The following FRMD4A variants were observed in gnomAD, a reference collection of about 807,000 sequenced individuals.
FRMD4A encodes the protein FERM domain-containing protein 4A.
In FRMD4A, 29 loss-of-function variants were observed where a neutral mutation model predicts 129.1. That is an observed-to-expected ratio of 0.22 (90% CI 0.17 to 0.31). FRMD4A has a LOEUF of 0.31. Ranked by LOEUF, FRMD4A falls within the 10% of genes least tolerant of loss-of-function variation. The pLI is 1.00. For missense variants in FRMD4A, 1,272 were observed against 1,375.8 expected (o/e 0.92, Z 1.19); for synonymous variants, 634 against 571.6 (o/e 1.11, Z -1.56).
chr10:13,971,144 ACATG>A (rs2095515631), intron 2 of FRMD4A, among the ~76,000 whole-genome samples: 3 of 152,168 alleles, frequency 2.0e-5, no homozygotes, highest in Middle Eastern at 3.4e-3. Flanking sequence ...GCGCTCACAC[ACATG>A]CATGCATACT....
chr10:14,107,352 A>G (rs1182219269), intron 2 of FRMD4A, among the ~76,000 whole-genome samples: 1 of 152,242 alleles, frequency 6.6e-6, no homozygotes, highest in Non-Finnish European at 1.5e-5. Context: ...AATCTAAAAT[A>G]AAAGTTGAAA....
At chr10:14,091,731 C>A (rs560284844) in intron 2 of FRMD4A, among the ~76,000 whole-genome samples, 1 of 152,322 alleles carries the variant, frequency 6.6e-6, no homozygotes, top group Non-Finnish European at 1.5e-5. Context: ...CCGTGCCTGG[C>A]CCATTCTTAG....
intron 2 of FRMD4A, among the ~76,000 whole-genome samples, chr10:14,039,407 C>CATCCATCCATCT (rs1285305420): frequency 7.4e-5 from 11 of 147,812 alleles, no homozygotes; most frequent in South Asian, 2.1e-4. Flanking sequence ...TCCATCCATC[C>CATCCATCCATCT]ATCTATCTAT....
intron 2 of FRMD4A, among the ~76,000 whole-genome samples, chr10:14,239,652 C>CAAA (rs529527490): frequency 0.064 from 9,556 of 149,912 alleles, 384 homozygotes; most frequent in Non-Finnish European, 0.089. Flanking sequence ...AACAAACAAA[C>CAAA]AAAAAAAAAC....
At chr10:14,050,692 T>C (rs892804890) in intron 2 of FRMD4A, among the ~76,000 whole-genome samples, 1 of 152,066 alleles carries the variant, frequency 6.6e-6, no homozygotes, top group African/African-American at 2.4e-5. Context: ...GGCCAATGAT[T>C]TAACCAACCA....
At chr10:13,747,491 T>C (rs1472229901) in intron 9 of FRMD4A, among the ~76,000 whole-genome samples, 2 of 147,998 alleles carry the variant, frequency 1.4e-5, no homozygotes, top group Non-Finnish European at 3.0e-5. Flanking sequence ...ATCATGCCAC[T>C]GCACTCCAGC....
chr10:13,997,302 G>A (rs143936814), intron 2 of FRMD4A, among the ~76,000 whole-genome samples: 27 of 152,262 alleles, frequency 1.8e-4, no homozygotes, highest in African/African-American at 6.0e-4. Context: ...GGCCTTAGTT[G>A]TAATAATCTT....
chr10:13,920,258 G>A (rs1565040076), intron 2 of FRMD4A, among the ~76,000 whole-genome samples: 1 of 151,970 alleles, frequency 6.6e-6, no homozygotes, highest in Non-Finnish European at 1.5e-5. Flanking sequence ...ATTTTTTTTG[G>A]CAGAAGCAGA....
intron 2 of FRMD4A, chr10:14,326,919 C>A: frequency 2.5e-6 from 1 of 398,744 alleles, no homozygotes; most frequent in East Asian, 3.6e-5. Context: ...AAAAGGCCAT[C>A]TCCACCACCA....
intron 2 of FRMD4A, among the ~76,000 whole-genome samples, chr10:14,209,483 C>T (rs1037060566): frequency 2.6e-5 from 4 of 152,006 alleles, no homozygotes; most frequent in Non-Finnish European, 5.9e-5. Flanking sequence ...TGGTGGCTCA[C>T]GCCTGTAATC....
chr10:13,834,479 G>T (rs1231779809), intron 3 of FRMD4A, among the ~76,000 whole-genome samples: 2 of 152,178 alleles, frequency 1.3e-5, no homozygotes, highest in African/African-American at 2.4e-5. Context: ...GAGAAAAATG[G>T]TGAGATATCA....
Position 13,666,241 on chromosome 10 carries a change from T to G in FRMD4A, c.1459A>C (p.Asn487His), listed in dbSNP as rs767399680. ...EAARRLASDP[N>H]VSKKLKKQRK... ...TGTTTCTTCAGTTTTTTGCTGACGT[T>G]GGGGTCACTGGCTAGGCGGCGGGCG... is the stretch of plus-strand genomic sequence containing the variant. Residue 487 changes from asparagine (N) to histidine (H), a missense_variant, in exon 18 of 25, where the codon AAC becomes CAC. By Grantham distance (68) the Asn-to-His change is moderately conservative (BLOSUM62 1). This residue lies in a region of FRMD4A where 972 missense variants were observed against 892.3 expected (regional missense o/e 1.09). Coordinates refer to ENST00000357447, the MANE Select transcript of FRMD4A (RefSeq NM_018027.5). 6.2e-7 allele frequency: 1 copy of G among 1,614,008 alleles called. No homozygotes were observed. The highest frequency in any genetic ancestry group is 1.7e-5 in the Admixed American group (1 of 59,994).
chr10:13,931,951 AAACCAACCAACC>A (rs376187231), intron 2 of FRMD4A, among the ~76,000 whole-genome samples: 2 of 111,388 alleles, frequency 1.8e-5, no homozygotes, highest in African/African-American at 7.4e-5. Flanking sequence ...TCTGTCTCAA[AAACCAACCAACC>A]AACCAACCAA....
intron 2 of FRMD4A, among the ~76,000 whole-genome samples, chr10:14,085,274 C>T (rs2614147): frequency 0.37 from 56,499 of 151,988 alleles, 10,881 homozygotes; most frequent in African/African-American, 0.46. Flanking sequence ...TGTGGCCTTG[C>T]GCAGGTTATT....
chr10:13,880,828 C>G (rs112530387), intron 2 of FRMD4A, among the ~76,000 whole-genome samples: 1,962 of 152,236 alleles, frequency 0.013, 49 homozygotes, highest in African/African-American at 0.045. Context: ...TAGCACACTT[C>G]CCTTCCTCTG....
chr10:13,799,557 A>G (rs967282082), intron 4 of FRMD4A, among the ~76,000 whole-genome samples: 4 of 152,192 alleles, frequency 2.6e-5, no homozygotes, highest in African/African-American at 9.6e-5. Context: ...AAATTATCTT[A>G]AGCTGCAACC....
chr10:13,677,799 G>A (rs567069415), intron 15 of FRMD4A, among the ~76,000 whole-genome samples: 8 of 152,280 alleles, frequency 5.3e-5, no homozygotes, highest in East Asian at 1.9e-4. Context: ...GAAGTACTCC[G>A]TTTCATCATT....
intron 3 of FRMD4A, among the ~76,000 whole-genome samples, chr10:13,817,895 G>A (rs572912255): frequency 6.6e-6 from 1 of 152,300 alleles, no homozygotes; most frequent in East Asian, 1.9e-4. Flanking sequence ...ATTCAAGGAT[G>A]AGGTAGCACC....
intron 1 of FRMD4A, 78 bp from the exon 2 acceptor site, chr10:14,330,261 T>C: frequency 1.5e-6 from 1 of 659,284 alleles, no homozygotes. Context: ...TCACACAGGG[T>C]GGGGAGGAGG....
Sources: gnomAD v4.1 joint callset for allele counts (sites outside exome capture counted in the v4.1 genomes callset) on GRCh38, gnomAD v4.1.1 for gene constraint, gnomAD v4.1.1 regional missense constraint, MANE v1.5 for transcripts, NCBI Gene and HGNC (gene_info 2026-07-23, HGNC 2026-07-21) for gene names.